The following DIAPH2 variants were observed in gnomAD, a reference collection of about 807,000 sequenced individuals.
The protein encoded by DIAPH2 is diaphanous related formin 2.
A neutral mutation model predicts 92.7 loss-of-function variants in DIAPH2; 35 were observed. The observed-to-expected ratio is 0.38, with a 90% CI of 0.29 to 0.50. The LOEUF (loss-of-function observed/expected upper bound fraction) is 0.50, where lower values mean the gene tolerates loss of function less well. Among genes scored for constraint, DIAPH2 ranks in the 20% least tolerant of loss-of-function variants. The probability of loss-of-function intolerance (pLI) is 0.94; values close to 1 mark genes in which losing one functional copy is unlikely to be tolerated. For missense variants in DIAPH2, 701 were observed against 819.5 expected (o/e 0.86, Z 1.77); for synonymous variants, 301 against 280.4 (o/e 1.07, Z -0.73).
intron 17 of DIAPH2, among the ~76,000 whole-genome samples, chrX:96,970,316 G>A (rs1177860723): frequency 9.0e-6 from 1 of 110,707 alleles, no homozygotes; most frequent in Non-Finnish European, 1.9e-5. Context: ...ATGTCTGGTA[G>A]ACTTCAGCTG....
intron 4 of DIAPH2, among the ~76,000 whole-genome samples, chrX:96,858,238 A>G (rs998239142): frequency 1.2e-4 from 13 of 111,814 alleles, no homozygotes; most frequent in African/African-American, 3.6e-4. Flanking sequence ...TGTTTATGCT[A>G]GATATTGGAC....
intron 26 of DIAPH2, among the ~76,000 whole-genome samples, chrX:97,466,320 T>C (rs1213658059): frequency 8.9e-6 from 1 of 111,946 alleles, no homozygotes; most frequent in Non-Finnish European, 1.9e-5. Context: ...GCACGGATCT[T>C]ACCAACATAT....
At chrX:97,084,102 G>C (rs745583897) in intron 19 of DIAPH2, among the ~76,000 whole-genome samples, 130 of 43,105 alleles carry the variant, frequency 3.0e-3, no homozygotes, top group Admixed American at 0.014. Context: ...ATTTGTTTTT[G>C]TTTTGTTTTT....
At chrX:97,223,046 C>T (rs1272712704) in intron 22 of DIAPH2, among the ~76,000 whole-genome samples, 2 of 110,849 alleles carry the variant, frequency 1.8e-5, no homozygotes, top group African/African-American at 3.3e-5. Context: ...CTAGGCTGGT[C>T]TCAAACTCCT....
intron 1 of DIAPH2, among the ~76,000 whole-genome samples, chrX:96,686,039 G>A (rs1225105434): frequency 8.9e-6 from 1 of 112,015 alleles, no homozygotes; most frequent in Non-Finnish European, 1.9e-5. Context: ...CATCAGAAGG[G>A]TTCCGCTTTT....
At chrX:96,846,143 CTTTT>C (rs10564194) in intron 4 of DIAPH2, among the ~76,000 whole-genome samples, 1 of 92,909 alleles carries the variant, frequency 1.1e-5, no homozygotes, top group African/African-American at 4.0e-5. Flanking sequence ...TAGCGTTATA[CTTTT>C]TTTTTTTTTT....
intron 4 of DIAPH2, among the ~76,000 whole-genome samples, chrX:96,867,365 C>T (rs762866443): frequency 1.7e-4 from 19 of 110,827 alleles, no homozygotes; most frequent in East Asian, 5.7e-4. Context: ...TTTACAGGCG[C>T]GTGCCACCAT....
chrX:97,129,097 T>TTTTCTTTTCTTTTCTTTTCTTTTCTTTTC (rs1569308008), intron 21 of DIAPH2, among the ~76,000 whole-genome samples: 66 of 57,788 alleles, frequency 1.1e-3, no homozygotes, highest in African/African-American at 5.1e-3. Context: ...CCATCTTTTC[T>TTTTCTTTTCTTTTCTTTTCTTTTCTTTTC]TTTCTTTTCT....
intron 9 of DIAPH2, among the ~76,000 whole-genome samples, chrX:96,929,328 G>C (rs957829118): frequency 9.0e-6 from 1 of 111,319 alleles, no homozygotes; most frequent in African/African-American, 3.3e-5. Flanking sequence ...TGTCTTTAAA[G>C]GTAATGCCAA....
intron 5 of DIAPH2, among the ~76,000 whole-genome samples, chrX:96,908,912 C>A (rs375416135): frequency 1.4e-4 from 16 of 111,749 alleles, no homozygotes; most frequent in East Asian, 8.5e-4. Flanking sequence ...AACTGGATTC[C>A]TGATCTGTGT....
chrX:96,834,369 A>C (rs1328043070), intron 4 of DIAPH2, among the ~76,000 whole-genome samples: 1 of 111,935 alleles, frequency 8.9e-6, no homozygotes, highest in Non-Finnish European at 1.9e-5. Flanking sequence ...CTCGGGTGGT[A>C]ATCTGCAGCA....
At chrX:97,410,836 G>A (rs1468064878) in intron 25 of DIAPH2, among the ~76,000 whole-genome samples, 1 of 111,697 alleles carries the variant, frequency 9.0e-6, no homozygotes, top group Non-Finnish European at 1.9e-5. Context: ...GAAATAAAGC[G>A]AGAGGAGAAG....
chrX:97,318,079 C>G (rs913787895), intron 23 of DIAPH2, among the ~76,000 whole-genome samples: 2 of 111,791 alleles, frequency 1.8e-5, no homozygotes, highest in African/African-American at 6.5e-5. Context: ...TATTGACCAG[C>G]CTCTCTCCAT....
intron 26 of DIAPH2, among the ~76,000 whole-genome samples, chrX:97,503,433 A>G (rs1020733075): frequency 1.8e-5 from 2 of 112,138 alleles, no homozygotes; most frequent in African/African-American, 6.5e-5. Context: ...GACTCTGAGA[A>G]GTCATATAGT....
At chrX:97,335,972 A>G (rs2069054366) in intron 23 of DIAPH2, among the ~76,000 whole-genome samples, 1 of 109,701 alleles carries the variant, frequency 9.1e-6, no homozygotes, top group East Asian at 2.9e-4. Context: ...CTCCTTCCTC[A>G]CTCCCACTTA....
intron 21 of DIAPH2, among the ~76,000 whole-genome samples, chrX:97,130,996 C>T (rs1453438777): frequency 9.1e-6 from 1 of 110,182 alleles, no homozygotes; most frequent in Non-Finnish European, 1.9e-5. Flanking sequence ...GTCACAGCTA[C>T]TCGGGAGGCT....
chrX:97,069,334 A>T (rs2066654271), intron 17 of DIAPH2, among the ~76,000 whole-genome samples: 1 of 111,297 alleles, frequency 9.0e-6, no homozygotes, highest in Admixed American at 9.6e-5. Flanking sequence ...TGTGATGCTG[A>T]TTCAAAGGTA....
At chrX:96,820,259 C>T (rs1003999758) in intron 4 of DIAPH2, among the ~76,000 whole-genome samples, 5 of 112,141 alleles carry the variant, frequency 4.5e-5, no homozygotes, top group African/African-American at 1.6e-4. Context: ...CATTTGAGGC[C>T]AGGAGTTCGA....
chrX:97,152,087 T>A (rs2067289747), intron 22 of DIAPH2, among the ~76,000 whole-genome samples: 1 of 111,745 alleles, frequency 8.9e-6, no homozygotes, highest in South Asian at 3.8e-4. Flanking sequence ...TTATTGTAGT[T>A]TTCATCACCA....
Sources: gnomAD v4.1 joint callset for allele counts (sites outside exome capture counted in the v4.1 genomes callset) on GRCh38, gnomAD v4.1.1 for gene constraint, MANE v1.5 for transcripts, NCBI Gene and HGNC (gene_info 2026-07-23, HGNC 2026-07-21) for gene names.